The following SDK1 variants were observed in gnomAD, a reference collection of about 807,000 sequenced individuals.
SDK1 encodes sidekick cell adhesion molecule 1, also known as protein sidekick-1.
A neutral mutation model predicts 245.5 loss-of-function variants in SDK1; 157 were observed. The ratio of observed to expected loss-of-function variants is 0.64; its 90% CI spans 0.56 to 0.73. The LOEUF (loss-of-function observed/expected upper bound fraction) is 0.73, where lower values mean the gene tolerates loss of function less well. Among genes scored for constraint, SDK1 ranks in the 30% least tolerant of loss-of-function variants. The pLI, the probability that SDK1 is intolerant of heterozygous loss-of-function variation, is 0.00. For synonymous variants in SDK1, 1,647 were observed against 1,278.5 expected (o/e 1.29, Z -6.15); for missense variants, 3,583 against 3,002.3 (o/e 1.19, Z -4.52).
intron 1 of SDK1, among the ~76,000 whole-genome samples, chr7:3,484,079 T>C (rs965539938): frequency 1.3e-5 from 2 of 152,218 alleles, no homozygotes; most frequent in Non-Finnish European, 2.9e-5. Context: ...AATATTCTCT[T>C]GCAGCTATTT....
chr7:3,774,684 A>G (rs1780499825), intron 4 of SDK1, among the ~76,000 whole-genome samples: 1 of 152,212 alleles, frequency 6.6e-6, no homozygotes, highest in African/African-American at 2.4e-5. Flanking sequence ...CTCCTCTGCC[A>G]TCTTCCCAGA....
intron 4 of SDK1, among the ~76,000 whole-genome samples, chr7:3,751,918 T>G (rs1055199495): frequency 5.0e-4 from 76 of 152,304 alleles, no homozygotes; most frequent in African/African-American, 1.7e-3. Flanking sequence ...TCTAATATTT[T>G]GAAACATTAC....
At chr7:3,774,550 T>C (rs977623907) in intron 4 of SDK1, among the ~76,000 whole-genome samples, 5 of 152,202 alleles carry the variant, frequency 3.3e-5, no homozygotes, top group South Asian at 2.1e-4. Context: ...TTCAATTTAC[T>C]GTCCAAGCCT....
At position 4,121,326 on chromosome 7, in the gene SDK1, T is replaced by A. The variant is rs138167424; in HGVS notation, c.3824-6055T>A. Among the ~76,000 whole-genome samples, 284 of 152,330 alleles carry A rather than the reference T, an allele frequency of 1.9e-3. 3 individuals are homozygous for A. Among genetic ancestry groups the A allele is most frequent in the African/African-American group, 6.2e-3 (257 of 41,582 alleles). On this transcript the variant is annotated intron_variant, in intron 25 of 44. Transcript: ENST00000404826. ...ACCCAAATCTCATCTCAAATTGTAATCTCCACATGTCAAGGGAGGGACCTG... is the reference window on the plus strand; with the variant it reads ...ACCCAAATCTCATCTCAAATTGTAAACTCCACATGTCAAGGGAGGGACCTG...
intron 32 of SDK1, among the ~76,000 whole-genome samples, chr7:4,169,183 C>A (rs1160336954): frequency 6.6e-6 from 1 of 152,208 alleles, no homozygotes; most frequent in Non-Finnish European, 1.5e-5. Context: ...CTGGTTGTTA[C>A]CGGGAGTAGC....
chr7:3,607,933 C>G (rs1781472253), intron 1 of SDK1, among the ~76,000 whole-genome samples: 1 of 152,214 alleles, frequency 6.6e-6, no homozygotes, highest in East Asian at 1.9e-4. Context: ...TGTGGCAGAC[C>G]CTGAGCCCCT....
At chr7:3,877,322 G>C (rs1562507707) in intron 5 of SDK1, among the ~76,000 whole-genome samples, 1 of 152,182 alleles carries the variant, frequency 6.6e-6, no homozygotes, top group Non-Finnish European at 1.5e-5. Flanking sequence ...TTGTTAGGAG[G>C]ATCAACTGAG....
chr7:3,326,006 T>C (rs1193695370), intron 1 of SDK1, among the ~76,000 whole-genome samples: 1 of 152,140 alleles, frequency 6.6e-6, no homozygotes, highest in Admixed American at 6.6e-5. Context: ...GGCAGACATA[T>C]ACTTAGCTGT....
intron 17 of SDK1, among the ~76,000 whole-genome samples, chr7:4,035,784 T>A (rs1212108457): frequency 6.6e-6 from 1 of 152,190 alleles, no homozygotes; most frequent in Non-Finnish European, 1.5e-5. Context: ...CATCTCATCA[T>A]TCCAAGAAGC....
At chr7:4,161,662 AC>A in intron 31 of SDK1, 123 bp from the exon 32 acceptor site, 2 of 737,420 alleles carry the variant, frequency 2.7e-6, no homozygotes, top group Non-Finnish European at 4.8e-6. Flanking sequence ...GGAGAAGGGG[AC>A]CCCTGGAGAA....
At chr7:3,905,458 A>G (rs1041084845) in intron 5 of SDK1, among the ~76,000 whole-genome samples, 5 of 152,064 alleles carry the variant, frequency 3.3e-5, no homozygotes, top group African/African-American at 1.2e-4. Context: ...TTTTCTGGTA[A>G]GAAATCTGCT....
intron 4 of SDK1, among the ~76,000 whole-genome samples, chr7:3,789,032 A>T (rs1352290141): frequency 6.6e-6 from 1 of 152,222 alleles, no homozygotes; most frequent in Non-Finnish European, 1.5e-5. Flanking sequence ...TTTCTGAGGG[A>T]GCAGAGCTTG....
At chr7:3,625,609 G>A (rs1323791775) in intron 2 of SDK1, among the ~76,000 whole-genome samples, 3 of 152,226 alleles carry the variant, frequency 2.0e-5, no homozygotes, top group Admixed American at 6.5e-5. Flanking sequence ...CAACGTCTAT[G>A]GAGTCTTATG....
chr7:3,450,706 G>C (rs1780488303), intron 1 of SDK1, among the ~76,000 whole-genome samples: 1 of 152,146 alleles, frequency 6.6e-6, no homozygotes, highest in Non-Finnish European at 1.5e-5. Context: ...TCTGACCTTA[G>C]CTCATGTGAA....
intron 1 of SDK1, among the ~76,000 whole-genome samples, chr7:3,491,448 C>G (rs1215004601): frequency 1.3e-5 from 2 of 152,202 alleles, no homozygotes; most frequent in East Asian, 3.8e-4. Context: ...AGTGCAGTTG[C>G]TACTGTTTTA....
chr7:3,643,705 A>G (rs1165473801), intron 4 of SDK1: 1 of 98,754 alleles, frequency 1.0e-5, no homozygotes, highest in African/African-American at 4.1e-5. Flanking sequence ...CATGATTCTC[A>G]TCTCCCACCC....
chr7:3,746,492 G>A (rs1167731823), intron 4 of SDK1, among the ~76,000 whole-genome samples: 1 of 152,172 alleles, frequency 6.6e-6, no homozygotes, highest in Non-Finnish European at 1.5e-5. Context: ...TTTACCCATA[G>A]TAGAACGTCT....
intron 1 of SDK1, among the ~76,000 whole-genome samples, chr7:3,407,914 T>C (rs888532415): frequency 2.6e-5 from 4 of 152,170 alleles, no homozygotes; most frequent in Non-Finnish European, 4.4e-5. Context: ...AATATAGCCC[T>C]GCTCTCAGCA....
chr7:4,205,790 C>T, intron 35 of SDK1, 89 bp from the exon 36 acceptor site: 2 of 1,041,664 alleles, frequency 1.9e-6, no homozygotes, highest in Admixed American at 2.0e-5. Flanking sequence ...GGAATTAGGG[C>T]ATGCTCGAGC....
Sources: gnomAD v4.1 joint callset for allele counts (sites outside exome capture counted in the v4.1 genomes callset) on GRCh38, gnomAD v4.1.1 for gene constraint, MANE v1.5 for transcripts, NCBI Gene and HGNC (gene_info 2026-07-23, HGNC 2026-07-21) for gene names.